The following CCNY variants were observed in gnomAD, a reference collection of about 807,000 sequenced individuals.
CCNY encodes cyclin Y, also known as cyclin-Y.
A neutral mutation model predicts 42.8 loss-of-function variants in CCNY; 19 were observed. That is an observed-to-expected ratio of 0.44 (90% CI 0.31 to 0.65). The LOEUF is 0.65. CCNY is among the 30% of genes least tolerant of loss of function. CCNY has a pLI of 0.07. For missense variants in CCNY, 370 were observed against 437.3 expected, an observed-to-expected ratio of 0.85 and a Z score of 1.37; for synonymous variants, 165 against 162.7, an observed-to-expected ratio of 1.01 and a Z score of -0.11.
At chr10:35,561,743 G>A (rs1841471209) in intron 8 of CCNY, among the ~76,000 whole-genome samples, 1 of 152,224 alleles carries the variant, frequency 6.6e-6, no homozygotes, top group South Asian at 2.1e-4. Flanking sequence ...TTGACTGGGA[G>A]TCTCCCCATG....
chr10:35,386,694 G>A (rs188000157), intron 1 of CCNY, among the ~76,000 whole-genome samples: 27 of 152,276 alleles, frequency 1.8e-4, no homozygotes, highest in African/African-American at 6.3e-4. Flanking sequence ...AGGAAACTTG[G>A]AGGTTTTCTG....
At chr10:35,537,937 A>T (rs1157922195) in intron 7 of CCNY, among the ~76,000 whole-genome samples, 1 of 152,148 alleles carries the variant, frequency 6.6e-6, no homozygotes, top group African/African-American at 2.4e-5. Context: ...CTGTGTCCCC[A>T]CCAAGATCGC....
intron 7 of CCNY, among the ~76,000 whole-genome samples, chr10:35,550,499 A>T (rs1319232713): frequency 6.6e-6 from 1 of 150,836 alleles, no homozygotes. Context: ...TTGTCCCTCT[A>T]CCCTTACTCC....
chr10:35,515,291 C>T (rs1017787956), intron 3 of CCNY, among the ~76,000 whole-genome samples: 3 of 152,102 alleles, frequency 2.0e-5, no homozygotes, highest in Non-Finnish European at 2.9e-5. Context: ...GCTTCAGCAG[C>T]GCAGTGCTAA....
At position 35,569,221 on chromosome 10, in the gene CCNY, T is replaced by A. The variant is rs749930021; in HGVS notation, c.*51T>A. 12 of 1,129,620 alleles carry A rather than the reference T, an allele frequency of 1.1e-5. No homozygotes were observed. The South Asian group carries it at 1.2e-4, about 12-fold the overall frequency. 70.0% of individuals were successfully genotyped at this position (1,129,620 alleles called of 1,614,324 possible). A position where few individuals can be genotyped will look rare whatever the true frequency, so the allele number is the denominator to read the frequency against. On this transcript the variant is annotated 3_prime_UTR_variant, in exon 10 of 10. Transcript: ENST00000374704. ...CCATCCCTTAGTTTCTCCTTTAGTT[T>A]GAGAAAAGACAGACTTGGGGTGGGT...
At chr10:35,502,132 A>G (rs1298286793) in intron 3 of CCNY, among the ~76,000 whole-genome samples, 1 of 152,172 alleles carries the variant, frequency 6.6e-6, no homozygotes, top group East Asian at 1.9e-4. Context: ...CCATTGAGAT[A>G]CTTCATCCCT....
chr10:35,563,292 G>A (rs1841501940), intron 8 of CCNY, among the ~76,000 whole-genome samples: 2 of 152,126 alleles, frequency 1.3e-5, no homozygotes, highest in Admixed American at 1.3e-4. Context: ...AGGTTGTTCT[G>A]TTTTCCAGGG....
chr10:35,496,309 G>T (rs1211808936), intron 2 of CCNY, among the ~76,000 whole-genome samples: 1 of 152,258 alleles, frequency 6.6e-6, no homozygotes, highest in Admixed American at 6.5e-5. Flanking sequence ...AAGGATGCCT[G>T]TGCACACCAG....
chr10:35,484,365 A>G (rs975271358), intron 2 of CCNY, among the ~76,000 whole-genome samples: 4 of 152,204 alleles, frequency 2.6e-5, no homozygotes, highest in East Asian at 1.9e-4. Flanking sequence ...TTAGGTAACA[A>G]TTTTGGCAAG....
intron 3 of CCNY, among the ~76,000 whole-genome samples, chr10:35,269,251 T>C (rs2095728682): frequency 6.6e-6 from 1 of 151,910 alleles, no homozygotes; most frequent in Admixed American, 6.6e-5. Context: ...CTTAGAGATT[T>C]TCTTTGCCAA....
intron 5 of CCNY, among the ~76,000 whole-genome samples, chr10:35,527,077 C>T (rs1432544391): frequency 1.5e-5 from 2 of 137,270 alleles, no homozygotes; most frequent in Admixed American, 1.5e-4. Context: ...CACGAATATC[C>T]AGAAGCAGAC....
chr10:35,337,101 G>C lies in CCNY; in HGVS notation c.48G>C (p.Arg16=). 6.3e-7 allele frequency: 1 copy of C among 1,595,126 alleles called. No homozygotes were observed. Among genetic ancestry groups the C allele is most frequent in the Non-Finnish European group, 8.5e-7 (1 of 1,172,704 alleles). The change falls in exon 1 of 10, where the codon CGG becomes CGC. Residue 16 remains arginine, a synonymous_variant. Transcript: ENST00000374704. ...SCCVSSSPKL[R]RNAHSRLESY... ...GCGTGTCGTCCAGTCCCAAGCTCCG[G>C]AGGAATGCCCACTCCCGGCTGGAGT... is the stretch of plus-strand genomic sequence containing the variant.
intron 1 of CCNY, among the ~76,000 whole-genome samples, chr10:35,374,149 A>G (rs1837000197): frequency 6.6e-6 from 1 of 152,200 alleles, no homozygotes; most frequent in Admixed American, 6.5e-5. Flanking sequence ...AATGATTTAT[A>G]TTTTTGGCCC....
At chr10:35,509,605 T>C (rs1221444891) in intron 3 of CCNY, among the ~76,000 whole-genome samples, 3 of 152,188 alleles carry the variant, frequency 2.0e-5, no homozygotes, top group Non-Finnish European at 4.4e-5. Flanking sequence ...TATGGAACAT[T>C]AGTTTGTGAA....
intron 1 of CCNY, chr10:35,347,329 C>T (rs961407229): frequency 4.3e-5 from 15 of 351,672 alleles, no homozygotes; most frequent in South Asian, 1.2e-4. Context: ...CAATCACATC[C>T]GTGCCAGTTT....
chr10:35,494,443 A>G (rs2135382595), intron 2 of CCNY, among the ~76,000 whole-genome samples: 1 of 152,316 alleles, frequency 6.6e-6, no homozygotes, highest in East Asian at 1.9e-4. Context: ...ATGTGTCAGG[A>G]TAGATTTCTG....
At chr10:35,396,075 A>T (rs1837518376) in intron 1 of CCNY, among the ~76,000 whole-genome samples, 1 of 151,906 alleles carries the variant, frequency 6.6e-6, no homozygotes, top group African/African-American at 2.4e-5. Flanking sequence ...TGGGATACTG[A>T]CTGGCTCTTT....
intron 1 of CCNY, among the ~76,000 whole-genome samples, chr10:35,408,442 A>G (rs970446710): frequency 2.0e-5 from 3 of 151,844 alleles, no homozygotes; most frequent in Admixed American, 6.6e-5. Flanking sequence ...AGGTTTTGGG[A>G]TAGGCAGTGG....
At chr10:35,325,896 T>C (rs887336184) in intron 3 of CCNY, among the ~76,000 whole-genome samples, 2 of 151,896 alleles carry the variant, frequency 1.3e-5, no homozygotes, top group African/African-American at 2.4e-5. Flanking sequence ...CTGGGCAACA[T>C]AGCAAGACGC....
Sources: allele counts gnomAD v4.1 joint callset (sites outside exome capture counted in the v4.1 genomes callset), GRCh38; gene constraint gnomAD v4.1.1; transcripts MANE v1.5; gene names NCBI Gene and HGNC (gene_info 2026-07-23, HGNC 2026-07-21).